The following ZNF292 variants were observed in gnomAD, a reference collection of about 807,000 sequenced individuals.
The protein encoded by ZNF292 is zinc finger protein 292.
In ZNF292, 26 loss-of-function variants were observed where a neutral mutation model predicts 217.9. That is an observed-to-expected ratio of 0.12 (90% CI 0.09 to 0.17). The LOEUF is 0.17. Ranked by LOEUF, ZNF292 falls within the 10% of genes least tolerant of loss-of-function variation. ZNF292 has a pLI of 1.00. For synonymous variants in ZNF292, 1,257 were observed against 1,124.1 expected, an observed-to-expected ratio of 1.12 and a Z score of -2.37; for missense variants, 2,904 against 3,175.2, an observed-to-expected ratio of 0.91 and a Z score of 2.05.
intron 5 of ZNF292, among the ~76,000 whole-genome samples, chr6:87,240,743 GAAC>G (rs1562167203): frequency 1.3e-5 from 2 of 152,174 alleles, no homozygotes; most frequent in East Asian, 3.9e-4. Context: ...GGTTTTAGAA[GAAC>G]AACAAAAATG....
At chr6:87,240,712 GC>G (rs1409497024) in intron 5 of ZNF292, among the ~76,000 whole-genome samples, 1 of 152,172 alleles carries the variant, frequency 6.6e-6, no homozygotes, top group Non-Finnish European at 1.5e-5. Context: ...GAGCCACCGG[GC>G]CCAGCCTAAG....
intron 1 of ZNF292, among the ~76,000 whole-genome samples, chr6:87,164,944 G>T (rs9344685): frequency 0.63 from 92,001 of 145,246 alleles, 30,126 homozygotes; most frequent in African/African-American, 0.84. Context: ...TTTTTTTTTT[G>T]GTAAGAGATG....
rs553878653 is a variant in ZNF292 at position 87,201,461 on chromosome 6, A to G, written c.169-14442A>G. Among the ~76,000 whole-genome samples, 39 of 152,152 alleles carry G rather than the reference A, an allele frequency of 2.6e-4. No homozygotes were observed. The South Asian group carries it at 6.8e-3, about 27-fold the overall frequency. The stretch of plus-strand genomic sequence containing the variant: ...CTCTTGTTGCCCAGGCTGGAGTGCA[A>G]TGGCATGATCTCGGCTCACCGCAAC... On this transcript the variant is annotated intron_variant, in intron 1 of 7. Transcript: ENST00000369577.
intron 1 of ZNF292, among the ~76,000 whole-genome samples, chr6:87,186,706 A>G (rs986583562): frequency 1.3e-5 from 2 of 152,164 alleles, no homozygotes; most frequent in Non-Finnish European, 2.9e-5. Flanking sequence ...ATCATGCCAC[A>G]GCACTACAGC....
intron 5 of ZNF292, among the ~76,000 whole-genome samples, chr6:87,240,310 C>G (rs1774209020): frequency 6.8e-6 from 1 of 146,920 alleles, no homozygotes; most frequent in African/African-American, 2.5e-5. Context: ...CAGTACAGTC[C>G]AGCTTCAGCT....
intron 5 of ZNF292, among the ~76,000 whole-genome samples, chr6:87,239,485 G>A (rs1774110594): frequency 2.0e-5 from 3 of 151,316 alleles, no homozygotes; most frequent in Admixed American, 6.6e-5. Context: ...GCCGGGCGGG[G>A]GCTGCCCCCC....
chr6:87,219,531 G>T (rs1482554149), intron 4 of ZNF292, among the ~76,000 whole-genome samples: 1 of 152,150 alleles, frequency 6.6e-6, no homozygotes, highest in Non-Finnish European at 1.5e-5. Context: ...AGTTATGAAG[G>T]CCATGAGAAG....
intron 1 of ZNF292, among the ~76,000 whole-genome samples, chr6:87,184,057 G>C (rs1165074861): frequency 1.3e-5 from 2 of 152,192 alleles, no homozygotes; most frequent in South Asian, 2.1e-4. Flanking sequence ...TACACACAAA[G>C]TCAGTGTTGT....
At chr6:87,209,587 A>G (rs1772396255) in intron 1 of ZNF292, among the ~76,000 whole-genome samples, 1 of 152,186 alleles carries the variant, frequency 6.6e-6, no homozygotes, top group Non-Finnish European at 1.5e-5. Context: ...GATGTGTGGT[A>G]TTGCAGCAAA....
intron 7 of ZNF292, chr6:87,249,381 G>A (rs1469694252): frequency 2.4e-6 from 1 of 425,020 alleles, no homozygotes; most frequent in South Asian, 1.7e-5. Flanking sequence ...CCGTGCCTTG[G>A]CCTTCCAAAG....
chr6:87,255,424 A>G lies in ZNF292; in HGVS notation c.1795A>G (p.Arg599Gly). The G allele has an allele frequency of 6.2e-7, 1 of 1,613,818 alleles. No individual in the cohort carries two copies. Among genetic ancestry groups the G allele is most frequent in the Non-Finnish European group, 8.5e-7 (1 of 1,179,846 alleles). ...TLHVKQSSKE[R>G]LAAMKPLRRL... ...GCATGTTAAACAATCTAGTAAAGAG[A>G]GACTAGCAGCTATGAAACCATTAAG... Residue 599 changes from arginine (R) to glycine (G), a missense_variant, in exon 8 of 8, where the codon AGA becomes GGA. Arg to Gly is a moderately radical substitution (Grantham distance 125). This residue lies in a region of ZNF292 where 216 missense variants were observed against 308.3 expected (regional missense o/e 0.70). Coordinates refer to ENST00000369577, the MANE Select transcript of ZNF292 (RefSeq NM_015021.3).
In ZNF292 at chr6:87,261,235, GAAA is replaced by G. The variant is rs777449626; in HGVS notation, c.7611_7613del (p.Lys2537del). 6.2e-7 allele frequency: 1 copy of G among 1,609,518 alleles called. No homozygotes were observed. Among genetic ancestry groups the G allele is most frequent in the Non-Finnish European group, 8.5e-7 (1 of 1,178,712 alleles). On this transcript the variant is annotated inframe_deletion, in exon 8 of 8. Coordinates refer to ENST00000369577, the MANE Select transcript of ZNF292 (RefSeq NM_015021.3). ...AAGTAATTTGAAGAGAGTTAATAAG[GAAA>G]AAAATGTCTCACAAAATAAAAAAAG... is the stretch of plus-strand genomic sequence containing the variant.
Position 87,261,204 on chromosome 6 carries a change from A to C in ZNF292, c.7575A>C (p.Gln2525His). ...ATAACCTCTGCCAGTCAGAAAGACA[A>C]AAAGCAAGTAATTTGAAGAGAGTTA... ...QEDNLCQSERQKASNLKRVNK... is the reference protein window; with the variant it reads ...QEDNLCQSERHKASNLKRVNK... Residue 2525 changes from glutamine to histidine, a missense_variant, in exon 8 of 8, where the codon CAA (glutamine) becomes CAC (histidine). Around this residue, in one of 15 missense-constraint regions of ZNF292, gnomAD observed 380 missense variants for 355.3 expected, o/e 1.07. Coordinates refer to ENST00000369577, the MANE Select transcript of ZNF292 (RefSeq NM_015021.3). 6.2e-7 allele frequency: 1 copy of C among 1,611,158 alleles called. No homozygotes were observed. Among genetic ancestry groups the C allele is most frequent in the Non-Finnish European group, 8.5e-7 (1 of 1,179,116 alleles).
Position 87,263,285 on chromosome 6 carries a change from C to T in ZNF292, c.*1484C>T, listed in dbSNP as rs943917243. On this transcript the variant is annotated 3_prime_UTR_variant, in exon 8 of 8. Coordinates refer to ENST00000369577, the MANE Select transcript of ZNF292 (RefSeq NM_015021.3). ...AATATTTACTTTTGTTTCTGTTTGCCGTAAATAGTAACATTGTTTTTTTTT... is the reference window on the plus strand; with the variant it reads ...AATATTTACTTTTGTTTCTGTTTGCTGTAAATAGTAACATTGTTTTTTTTT... 9.9e-5 allele frequency: 15 copies of T among 151,648 alleles called. No individual in the cohort carries two copies. Among genetic ancestry groups the T allele is most frequent in the African/African-American group, 2.4e-4 (10 of 41,330 alleles). 9.4% of individuals were successfully genotyped at this position (151,648 alleles called of 1,614,324 possible).
chr6:87,199,226 C>T lies in ZNF292; in HGVS notation c.169-16677C>T, dbSNP rs192883808. 4.6e-5 allele frequency among the ~76,000 whole-genome samples: 7 copies of T among 152,294 alleles called. No individual in the cohort carries two copies. The East Asian group carries it at 5.8e-4, about 13-fold the overall frequency. ...GGATGTGGTTTCTCATAGTTAAATTCGTATTTCCCTAATGGCTAATAATAT... is the reference window on the plus strand; with the variant it reads ...GGATGTGGTTTCTCATAGTTAAATTTGTATTTCCCTAATGGCTAATAATAT... On this transcript the variant is annotated intron_variant, in intron 1 of 7. Transcript: ENST00000369577.
At chr6:87,211,286 C>CTAG (rs1772472906) in intron 1 of ZNF292, among the ~76,000 whole-genome samples, 1 of 152,190 alleles carries the variant, frequency 6.6e-6, no homozygotes, top group African/African-American at 2.4e-5. Context: ...AAACTTCAAC[C>CTAG]TAGTGGTCCT....
chr6:87,249,452 A>G (rs1242181200), intron 7 of ZNF292: 1 of 261,344 alleles, frequency 3.8e-6, no homozygotes, highest in Non-Finnish European at 8.0e-6. Context: ...CTTGACAGGG[A>G]TAGTATGCAC....
In ZNF292 at chr6:87,256,948, C is replaced by G; in HGVS notation, c.3319C>G (p.Arg1107Gly). Residue 1107 changes from arginine to glycine, a missense_variant, in exon 8 of 8, where the codon CGA (arginine) becomes GGA (glycine). Physicochemically the swap from Arg to Gly is moderately radical, Grantham distance 125 (BLOSUM62 -2). Transcript: ENST00000369577. ...CAGCTGCCAGGTCGAGGGATGTACT[C>G]GAACCTATAATTCTTCACAGAGTAT... ...KFSCQVEGCTRTYNSSQSIGK... is the reference protein window; with the variant it reads ...KFSCQVEGCTGTYNSSQSIGK... The G allele has an allele frequency of 1.2e-6, 2 of 1,613,728 alleles. No individual in the cohort carries two copies. Among genetic ancestry groups the G allele is most frequent in the South Asian group, 1.1e-5 (1 of 91,066 alleles).
chr6:87,186,658 C>T (rs1436594245), intron 1 of ZNF292, among the ~76,000 whole-genome samples: 2 of 152,158 alleles, frequency 1.3e-5, no homozygotes, highest in African/African-American at 4.8e-5. Context: ...GTGAGAGGAT[C>T]ACTTGAGCCC....
Sources: allele counts gnomAD v4.1 joint callset (sites outside exome capture counted in the v4.1 genomes callset), GRCh38; gene constraint gnomAD v4.1.1; regional missense constraint gnomAD v4.1.1; transcripts MANE v1.5; gene names NCBI Gene and HGNC (gene_info 2026-07-23, HGNC 2026-07-21).